The following WDR27 variants were observed in gnomAD, a reference collection of about 807,000 sequenced individuals.
WDR27 encodes WD repeat domain 27, also known as WD repeat-containing protein 27.
In WDR27, 100 loss-of-function variants were observed where a neutral mutation model predicts 114.4. The ratio of observed to expected loss-of-function variants is 0.87; its 90% CI spans 0.74 to 1.03. WDR27 has a LOEUF of 1.03. WDR27 is among the 50% of genes least tolerant of loss of function. The probability of loss-of-function intolerance (pLI) is 0.00; values close to 1 mark genes in which losing one functional copy is unlikely to be tolerated. For synonymous variants in WDR27, 449 were observed against 423.1 expected, an observed-to-expected ratio of 1.06 and a Z score of -0.75; for missense variants, 1,129 against 1,092.9, an observed-to-expected ratio of 1.03 and a Z score of -0.47.
At chr6:169,577,321 G>C (rs968264480) in intron 24 of WDR27, among the ~76,000 whole-genome samples, 3 of 141,740 alleles carry the variant, frequency 2.1e-5, no homozygotes, top group Non-Finnish European at 3.1e-5. Flanking sequence ...GGGCGTCCGC[G>C]CCGAGCCAGG....
At chr6:169,478,917 G>A (rs1462781504) in intron 25 of WDR27, among the ~76,000 whole-genome samples, 1 of 152,122 alleles carries the variant, frequency 6.6e-6, no homozygotes, top group African/African-American at 2.4e-5. Flanking sequence ...ATTCAAAATG[G>A]ACTAAAGATT....
At chr6:169,590,247 A>T (rs1805481804) in intron 23 of WDR27, among the ~76,000 whole-genome samples, 1 of 152,226 alleles carries the variant, frequency 6.6e-6, no homozygotes, top group Non-Finnish European at 1.5e-5. Flanking sequence ...CACAGCAGAA[A>T]GGAGACAAAG....
chr6:169,489,742 C>T (rs952768640), intron 25 of WDR27, among the ~76,000 whole-genome samples: 3 of 152,210 alleles, frequency 2.0e-5, no homozygotes, highest in Non-Finnish European at 2.9e-5. Context: ...TCTGAAATCC[C>T]TCCAGATGGT....
chr6:169,654,875 G>T (rs73790085), intron 13 of WDR27, among the ~76,000 whole-genome samples: 19,283 of 152,212 alleles, frequency 0.13, 1,336 homozygotes, highest in African/African-American at 0.16. Flanking sequence ...AAGGAAGCGC[G>T]CACAGAGGAG....
chr6:169,458,620 A>G (rs1165101093), intron 25 of WDR27, among the ~76,000 whole-genome samples: 2 of 152,026 alleles, frequency 1.3e-5, no homozygotes, highest in Non-Finnish European at 2.9e-5. Context: ...GTGAAACCCT[A>G]TCTCTACTAA....
intron 10 of WDR27, among the ~76,000 whole-genome samples, chr6:169,660,054 C>T (rs925902978): frequency 6.0e-5 from 9 of 151,040 alleles, no homozygotes; most frequent in Non-Finnish European, 1.0e-4. Flanking sequence ...GGGAGGCCGC[C>T]GAGGAGGCCC....
At chr6:169,697,309 G>C (rs1317022014) in intron 1 of WDR27, among the ~76,000 whole-genome samples, 9 of 152,166 alleles carry the variant, frequency 5.9e-5, no homozygotes, top group Admixed American at 5.9e-4. Context: ...CCACCAGAGG[G>C]CTCCTTGGTC....
At chr6:169,576,302 G>A in intron 24 of WDR27, among the ~76,000 whole-genome samples, 1 of 152,238 alleles carries the variant, frequency 6.6e-6, no homozygotes, top group Non-Finnish European at 1.5e-5. Context: ...TTGCCCCATG[G>A]CAGCCAGCAG....
chr6:169,547,345 A>T (rs1408441341), intron 25 of WDR27, among the ~76,000 whole-genome samples: 3 of 152,146 alleles, frequency 2.0e-5, no homozygotes, highest in Non-Finnish European at 2.9e-5. Context: ...TCTAACAAAA[A>T]AACCAAGGAC....
rs1826416554 is a variant in WDR27 at position 169,662,382 on chromosome 6, T to C, written c.947A>G (p.Glu316Gly). Residue 316 changes from glutamate to glycine, a missense_variant, in exon 9 of 26, where the codon GAG becomes GGG. Coordinates refer to ENST00000448612, the MANE Select transcript of WDR27 (RefSeq NM_182552.5). ...TACAGGAAATGTTACTTCAACCTGC[T>C]CTCCTTTTCCCAGAGCACTTGTAGA... is the stretch of plus-strand genomic sequence containing the variant. ...LPSTSALGKG[E>G]QVEVTFPVLR... is the part of the protein sequence containing the mutation. 1 of 1,613,906 alleles carries C rather than the reference T, an allele frequency of 6.2e-7. No homozygotes were observed. The highest frequency in any genetic ancestry group is 1.3e-5 in the African/African-American group (1 of 74,948).
chr6:169,460,033 T>C (rs1784732898), intron 25 of WDR27, among the ~76,000 whole-genome samples: 2 of 152,136 alleles, frequency 1.3e-5, no homozygotes, highest in Admixed American at 1.3e-4. Context: ...AAGACCTTAA[T>C]AAAGGTAAGT....
In WDR27 at chr6:169,529,125, C is replaced by G. The variant is rs375763651; in HGVS notation, c.2645+43294G>C. Among the ~76,000 whole-genome samples, 32 of 152,198 alleles carry G rather than the reference C, an allele frequency of 2.1e-4. 1 individual carries two copies. In the Middle Eastern group the frequency reaches 0.014, roughly 65 times the overall value. The stretch of plus-strand genomic sequence containing the variant: ...AATCAGATAAATTATGGTGCACCCA[C>G]ATAAAAGAATTATATGCAACCATCA... On this transcript the variant is annotated intron_variant, in intron 25 of 25. Transcript: ENST00000448612.
intron 25 of WDR27, among the ~76,000 whole-genome samples, chr6:169,485,313 A>G (rs529463476): frequency 6.6e-6 from 1 of 152,308 alleles, no homozygotes; most frequent in East Asian, 1.9e-4. Context: ...GAACTGAAAC[A>G]ACTTTACAGA....
intron 16 of WDR27, among the ~76,000 whole-genome samples, chr6:169,646,827 G>C (rs371778059): frequency 5.9e-5 from 9 of 152,016 alleles, no homozygotes; most frequent in Non-Finnish European, 1.3e-4. Context: ...AACACTGAAG[G>C]AATGTTCAGT....
chr6:169,683,478 A>C (rs555629774), intron 2 of WDR27, among the ~76,000 whole-genome samples: 1 of 152,222 alleles, frequency 6.6e-6, no homozygotes, highest in East Asian at 1.9e-4. Context: ...AGACTAAGTG[A>C]TATCAGCAAG....
chr6:169,428,083 C>T, the WDR27 span, among the ~76,000 whole-genome samples: 1 of 152,190 alleles, frequency 6.6e-6, no homozygotes, highest in Non-Finnish European at 1.5e-5. Context: ...AAACAGAGGG[C>T]TGAGTCATCA....
intron 25 of WDR27, among the ~76,000 whole-genome samples, chr6:169,554,627 T>C (rs967409278): frequency 6.6e-6 from 1 of 152,218 alleles, no homozygotes; most frequent in African/African-American, 2.4e-5. Flanking sequence ...ACTGTTCCCG[T>C]GTGGCTTCTG....
At chr6:169,694,268 G>A (rs991711672) in intron 1 of WDR27, among the ~76,000 whole-genome samples, 17 of 152,238 alleles carry the variant, frequency 1.1e-4, no homozygotes, top group South Asian at 2.1e-4. Flanking sequence ...CCGAGATTGC[G>A]CTGTTGCATT....
chr6:169,573,289 T>G (rs1234264743), intron 24 of WDR27, among the ~76,000 whole-genome samples: 2 of 152,202 alleles, frequency 1.3e-5, no homozygotes, highest in East Asian at 1.9e-4. Context: ...CCTGCACAAC[T>G]GAGAAATGCA....
Sources: allele counts gnomAD v4.1 joint callset (sites outside exome capture counted in the v4.1 genomes callset), GRCh38; gene constraint gnomAD v4.1.1; transcripts MANE v1.5; gene names NCBI Gene and HGNC (gene_info 2026-07-23, HGNC 2026-07-21).